ITPKB: variants seen among roughly 807,000 people sequenced by gnomAD.
ITPKB encodes the protein inositol-trisphosphate 3-kinase B, also known as IP3 3-kinase B.
ITPKB carries 13 observed loss-of-function variants against 69.4 expected under a neutral mutation model. The observed-to-expected ratio is 0.19, with a 90% confidence interval of 0.12 to 0.30. The LOEUF is 0.30. Ranked by LOEUF, ITPKB falls within the 10% of genes least tolerant of loss-of-function variation. The probability of loss-of-function intolerance (pLI) is 1.00; values close to 1 mark genes in which losing one functional copy is unlikely to be tolerated. For synonymous variants in ITPKB, 584 were observed against 513.7 expected, an observed-to-expected ratio of 1.14 and a Z score of -1.85; for missense variants, 1,240 against 1,250.5, an observed-to-expected ratio of 0.99 and a Z score of 0.13.
chr1:226,683,822 A>G (rs1053230449), intron 2 of ITPKB, among the ~76,000 whole-genome samples: 3 of 152,084 alleles, frequency 2.0e-5, no homozygotes, highest in Non-Finnish European at 2.9e-5. Flanking sequence ...ACCACCAAAC[A>G]TCTTACAACA....
intron 2 of ITPKB, among the ~76,000 whole-genome samples, chr1:226,711,406 AG>A (rs779594248): frequency 0.071 from 5,650 of 79,740 alleles, 178 homozygotes; most frequent in Non-Finnish European, 0.099. Context: ...GTGTTTTGAA[AG>A]AGAGAGAGAG....
chr1:226,653,397 T>A (rs2102750360), intron 2 of ITPKB, among the ~76,000 whole-genome samples: 1 of 152,252 alleles, frequency 6.6e-6, no homozygotes, highest in South Asian at 2.1e-4. Flanking sequence ...CCAGGGCGGT[T>A]CCCCTGGACA....
intron 4 of ITPKB, among the ~76,000 whole-genome samples, chr1:226,644,155 G>A (rs1396261036): frequency 6.6e-6 from 1 of 152,246 alleles, no homozygotes; most frequent in Non-Finnish European, 1.5e-5. Flanking sequence ...AAGGGCCCCC[G>A]TGGCTCAAAG....
rs201330528 is a variant in ITPKB, at chr1:226,669,397, CAA to C, written c.1933-20628_1933-20627del. Among the ~76,000 whole-genome samples, 68 of 127,810 alleles carry C rather than the reference CAA, an allele frequency of 5.3e-4. No individual in the cohort carries two copies. The South Asian group carries it at 0.012, about 22-fold the overall frequency. The allele number at this position is 127,810 out of a possible 152,430, so 83.8% of individuals were successfully genotyped here. A position where few individuals can be genotyped will look rare whatever the true frequency, so the allele number is the denominator to read the frequency against. ...GGGCAACAAGAGCGAAACTCTGTCT[CAA>C]AAAAAAAAAAAAATGTACTCCTGGT... On this transcript the variant is annotated intron_variant, in intron 2 of 7. Transcript: ENST00000429204.
At chr1:226,650,462 A>G (rs1428149628) in intron 2 of ITPKB, among the ~76,000 whole-genome samples, 2 of 152,260 alleles carry the variant, frequency 1.3e-5, no homozygotes, top group Non-Finnish European at 2.9e-5. Context: ...AAAGAAGGCT[A>G]GAGCCAGCGG....
chr1:226,703,798 T>A (rs1271796226), intron 2 of ITPKB, among the ~76,000 whole-genome samples: 1 of 152,236 alleles, frequency 6.6e-6, no homozygotes, highest in Non-Finnish European at 1.5e-5. Flanking sequence ...AGCTTCCGGC[T>A]TGGGAGAAAG....
At chr1:226,681,580 A>C (rs1656094899) in intron 2 of ITPKB, among the ~76,000 whole-genome samples, 1 of 152,068 alleles carries the variant, frequency 6.6e-6, no homozygotes, top group Non-Finnish European at 1.5e-5. Flanking sequence ...ATACAGAAAA[A>C]TACCTATATT....
chr1:226,699,576 C>T (rs1005831993), intron 2 of ITPKB, among the ~76,000 whole-genome samples: 3 of 152,102 alleles, frequency 2.0e-5, no homozygotes, highest in Admixed American at 2.0e-4. Context: ...ACTAAATAAG[C>T]CAAAATATTC....
chr1:226,700,960 C>T (rs912355175), intron 2 of ITPKB, among the ~76,000 whole-genome samples: 4 of 152,312 alleles, frequency 2.6e-5, no homozygotes, highest in South Asian at 4.1e-4. Flanking sequence ...TGTTAGATTA[C>T]GTAGAGCACT....
At chr1:226,664,070 C>G (rs1292541653) in intron 2 of ITPKB, among the ~76,000 whole-genome samples, 1 of 152,232 alleles carries the variant, frequency 6.6e-6, no homozygotes, top group Non-Finnish European at 1.5e-5. Context: ...GCTTGGCCCC[C>G]ACAAAAGTCA....
At chr1:226,639,356 C>T (rs942843104) in intron 6 of ITPKB, among the ~76,000 whole-genome samples, 16 of 152,196 alleles carry the variant, frequency 1.1e-4, no homozygotes, top group Admixed American at 7.2e-4. Context: ...CTGTGCCCGG[C>T]GTGCCTTTGA....
intron 2 of ITPKB, among the ~76,000 whole-genome samples, chr1:226,673,954 T>C (rs1188047824): frequency 6.6e-6 from 1 of 152,160 alleles, no homozygotes; most frequent in Non-Finnish European, 1.5e-5. Context: ...TTCTTCCCCA[T>C]GACTTTCATG....
intron 2 of ITPKB, among the ~76,000 whole-genome samples, chr1:226,722,266 T>G (rs1657266723): frequency 6.6e-6 from 1 of 152,212 alleles, no homozygotes; most frequent in African/African-American, 2.4e-5. Flanking sequence ...TGGGGCTCCT[T>G]GCCACTCCAA....
intron 2 of ITPKB, among the ~76,000 whole-genome samples, chr1:226,651,648 G>T (rs750724605): frequency 6.6e-6 from 1 of 152,194 alleles, no homozygotes; most frequent in Admixed American, 6.5e-5. Context: ...CAGTGAGCAG[G>T]GAGCCTGTGA....
At chr1:226,709,077 T>C (rs976002174) in intron 2 of ITPKB, among the ~76,000 whole-genome samples, 2 of 152,116 alleles carry the variant, frequency 1.3e-5, no homozygotes, top group East Asian at 3.9e-4. Flanking sequence ...GGCCCCTCAA[T>C]AGGGGACCTC....
At chr1:226,649,360 GCA>G (rs1491376798) in intron 2 of ITPKB, among the ~76,000 whole-genome samples, 211 of 86,586 alleles carry the variant, frequency 2.4e-3, no homozygotes, top group African/African-American at 0.023. Flanking sequence ...TGATATATGT[GCA>G]TGTGTGCATG....
At position 226,634,489 on chromosome 1, in the gene ITPKB, C is replaced by T. The variant is rs964743020; in HGVS notation, c.*182G>A. Reference sequence around the variant, plus strand: ...TCTCTACAAAAAGCAGTGCAAACACCACCTCCAAGCCCTGAAGTTAGGAAA... The same window carrying T: ...TCTCTACAAAAAGCAGTGCAAACACTACCTCCAAGCCCTGAAGTTAGGAAA... On this transcript the variant is annotated 3_prime_UTR_variant, in exon 8 of 8. Coordinates refer to ENST00000429204, the MANE Select transcript of ITPKB (RefSeq NM_002221.4). The surrounding 1 kb of genome is among the most constrained non-coding windows in gnomAD (Gnocchi z 6.3). The T allele has an allele frequency of 1.7e-6, 1 of 592,512 alleles. No individual in the cohort carries two copies. The highest frequency in any genetic ancestry group is 3.0e-6 in the Non-Finnish European group (1 of 331,432). 36.7% of individuals were successfully genotyped at this position (592,512 alleles called of 1,614,324 possible). A position where few individuals can be genotyped will look rare whatever the true frequency, so the allele number is the denominator to read the frequency against.
intron 6 of ITPKB, among the ~76,000 whole-genome samples, chr1:226,639,227 T>C (rs576067509): frequency 6.8e-4 from 103 of 152,190 alleles, no homozygotes; most frequent in Non-Finnish European, 1.2e-3. Flanking sequence ...CCGGCTAATT[T>C]TTGTGTTTTT....
intron 2 of ITPKB, among the ~76,000 whole-genome samples, chr1:226,731,013 G>A (rs1657574144): frequency 6.6e-6 from 1 of 152,230 alleles, no homozygotes; most frequent in African/African-American, 2.4e-5. Flanking sequence ...CAAAGTCTAA[G>A]CATTTGCATG....
Sources: gnomAD v4.1 joint callset for allele counts (sites outside exome capture counted in the v4.1 genomes callset) on GRCh38, gnomAD v4.1.1 for gene constraint, Gnocchi (gnomAD v3.1) non-coding constraint, MANE v1.5 for transcripts, NCBI Gene and HGNC (gene_info 2026-07-23, HGNC 2026-07-21) for gene names.